DNAH3: variants seen among roughly 807,000 people sequenced by gnomAD.
The protein encoded by DNAH3 is dynein axonemal heavy chain 3.
In DNAH3, 332 loss-of-function variants were observed where a neutral mutation model predicts 432.5. The ratio of observed to expected loss-of-function variants is 0.77; its 90% CI spans 0.70 to 0.84. The LOEUF (loss-of-function observed/expected upper bound fraction) is 0.84. Ranked by LOEUF, DNAH3 falls within the 40% of genes least tolerant of loss-of-function variation. DNAH3 has a pLI of 0.00. For synonymous variants in DNAH3, 1,956 were observed against 1,900.2 expected (o/e 1.03, Z -0.76); for missense variants, 4,861 against 5,114.0 (o/e 0.95, Z 1.51).
At chr16:21,086,600 C>A (rs1238216354) in intron 19 of DNAH3, among the ~76,000 whole-genome samples, 1 of 152,198 alleles carries the variant, frequency 6.6e-6, no homozygotes, top group Admixed American at 6.5e-5. Flanking sequence ...TGGTCATTGG[C>A]TCGAACAACA....
Position 21,020,455 on chromosome 16 carries a change from T to C in DNAH3, c.5777-586A>G, listed in dbSNP as rs537187013. Among the ~76,000 whole-genome samples the C allele has an allele frequency of 1.1e-3, 142 of 127,324 alleles. No homozygotes were observed. The South Asian group carries it at 0.013, about 12-fold the overall frequency. 83.5% of individuals were successfully genotyped at this position (127,324 alleles called of 152,430 possible). On this transcript the variant is annotated intron_variant, in intron 40 of 61. Coordinates refer to ENST00000261383, the Ensembl canonical transcript of DNAH3. Reference sequence around the variant, plus strand: ...TCTAGCTCTGTCGCCCATGCTGGAGTGCAGTGGCACAATCTCGGCTCACTG... The same window carrying C: ...TCTAGCTCTGTCGCCCATGCTGGAGCGCAGTGGCACAATCTCGGCTCACTG...
At chr16:21,104,736 T>C (rs1387539844) in intron 15 of DNAH3, 142 bp from the exon 16 acceptor site, 4 of 587,372 alleles carry the variant, frequency 6.8e-6, no homozygotes, top group Non-Finnish European at 1.2e-5. Context: ...ACAGTGACAT[T>C]TGTTGAGCAC....
At chr16:21,118,826 T>TCC (rs746433376) in intron 11 of DNAH3, among the ~76,000 whole-genome samples, 13 of 152,210 alleles carry the variant, frequency 8.5e-5, no homozygotes, top group Non-Finnish European at 1.8e-4. Context: ...TCTCTGAGAA[T>TCC]GTTCTCACTT....
At chr16:21,067,770 G>GGGGGGGGAGGGA (rs1567732533) in intron 23 of DNAH3, among the ~76,000 whole-genome samples, 1 of 20,594 alleles carries the variant, frequency 4.9e-5, no homozygotes, top group African/African-American at 1.7e-4. Flanking sequence ...GGGGGGGGGT[G>GGGGGGGGAGGGA]GGGAGGGAGA....
chr16:20,942,593 G>A (rs1818590097), intron 58 of DNAH3, among the ~76,000 whole-genome samples: 1 of 152,192 alleles, frequency 6.6e-6, no homozygotes, highest in African/African-American at 2.4e-5. Flanking sequence ...GTTGGGAGGG[G>A]TTAAACAGGA....
rs997244693 is a variant in DNAH3, at chr16:21,067,431, C to G, written c.3382-12G>C. ...CTGTTATCTTTCACCTGGGTTCCAT[C>G]AAAAAAAGTGAGACTCATCATAAGG... On this transcript the variant is annotated splice_polypyrimidine_tract_variant and intron_variant, in intron 23 of 61. Transcript: ENST00000261383. 7 of 1,609,454 alleles carry G rather than the reference C, an allele frequency of 4.3e-6. No homozygotes were observed. Among genetic ancestry groups the G allele is most frequent in the Non-Finnish European group, 5.9e-6 (7 of 1,178,714 alleles).
chr16:21,050,443 C>CT lies in DNAH3; in HGVS notation c.4239-426dup, dbSNP rs374471296. Among the ~76,000 whole-genome samples, 549 of 152,088 alleles carry CT rather than the reference C, an allele frequency of 3.6e-3. 3 individuals are homozygous for CT. The highest frequency in any genetic ancestry group is 0.012 in the African/African-American group (504 of 41,496). On this transcript the variant is annotated intron_variant, in intron 29 of 61. Coordinates refer to ENST00000261383, the Ensembl canonical transcript of DNAH3. ...TATTTCTCCAACTAGATTATGAATT[C>CT]TTTTTTTTCTTTTGAGACAGGTTCT...
chr16:20,990,017 C>T (rs1412517868), intron 44 of DNAH3, among the ~76,000 whole-genome samples: 1 of 152,248 alleles, frequency 6.6e-6, no homozygotes, highest in Non-Finnish European at 1.5e-5. Context: ...CCCACTCGCG[C>T]CTCTCCCTCC....
rs113734489 is a variant in DNAH3, at chr16:20,980,904, C to G, written c.7860-1358G>C. Reference sequence around the variant, plus strand: ...TTTGTGGACCACATGATATCTGTCACAGTTACTCAACTCTGCCATTTTAGT... The same window carrying G: ...TTTGTGGACCACATGATATCTGTCAGAGTTACTCAACTCTGCCATTTTAGT... On this transcript the variant is annotated intron_variant, in intron 49 of 61. Transcript: ENST00000261383. Among the ~76,000 whole-genome samples, 19 of 152,276 alleles carry G rather than the reference C, an allele frequency of 1.2e-4. 1 individual carries two copies. The highest frequency in any genetic ancestry group is 4.6e-4 in the African/African-American group (19 of 41,546).
intron 56 of DNAH3, among the ~76,000 whole-genome samples, chr16:20,948,870 C>T (rs2084179978): frequency 6.6e-6 from 1 of 152,134 alleles, no homozygotes; most frequent in Admixed American, 6.6e-5. Flanking sequence ...TCCCTGTTTT[C>T]CCACTTGAAT....
chr16:20,975,368 G>C (rs377341386), exon 51 of DNAH3: 9 of 1,614,090 alleles, frequency 5.6e-6, no homozygotes, highest in African/African-American at 1.3e-5. Flanking sequence ...CGGAGGTGAG[G>C]ATGAGTTGAG....
chr16:20,976,351 C>A (rs2085589784), intron 50 of DNAH3, among the ~76,000 whole-genome samples: 1 of 152,076 alleles, frequency 6.6e-6, no homozygotes, highest in African/African-American at 2.4e-5. Flanking sequence ...TGCCACCACA[C>A]CCAGCTAATT....
intron 18 of DNAH3, among the ~76,000 whole-genome samples, chr16:21,088,385 TG>T (rs953862464): frequency 1.1e-3 from 170 of 152,244 alleles, no homozygotes; most frequent in African/African-American, 3.9e-3. Context: ...ACTCTATAGT[TG>T]TAAGAGTGAA....
chr16:21,153,300 T>C (rs1489816378), intron 1 of DNAH3, among the ~76,000 whole-genome samples: 3 of 152,086 alleles, frequency 2.0e-5, no homozygotes, highest in African/African-American at 7.3e-5. Context: ...TGTGTCTAGC[T>C]CAGGGTCTGT....
intron 13 of DNAH3, 88 bp from the exon 14 acceptor site, chr16:21,111,892 A>G: frequency 6.4e-7 from 1 of 1,560,650 alleles, no homozygotes; most frequent in Non-Finnish European, 8.8e-7. Flanking sequence ...ACCCTAGTCC[A>G]ATGCTGAGCA....
chr16:20,976,739 A>G (rs756504759), intron 50 of DNAH3, among the ~76,000 whole-genome samples: 2 of 152,204 alleles, frequency 1.3e-5, no homozygotes, highest in Non-Finnish European at 2.9e-5. Flanking sequence ...AAATGCCCTT[A>G]TATAATAAAA....
intron 44 of DNAH3, 59 bp downstream of exon 44, chr16:20,997,224 G>A: frequency 6.4e-7 from 1 of 1,559,980 alleles, no homozygotes; most frequent in Non-Finnish European, 8.7e-7. Context: ...CTTTCATAAA[G>A]GTGGCCCAGC....
At chr16:21,021,042 A>G (rs28589839) in intron 40 of DNAH3, among the ~76,000 whole-genome samples, 1 of 152,220 alleles carries the variant, frequency 6.6e-6, no homozygotes, top group African/African-American at 2.4e-5. Flanking sequence ...GTGTTCATCC[A>G]AGCTGTAGCA....
intron 37 of DNAH3, among the ~76,000 whole-genome samples, chr16:21,028,225 G>A (rs142058368): frequency 0.016 from 2,421 of 151,624 alleles, 64 homozygotes; most frequent in African/African-American, 0.056. Context: ...AATTTTTTTT[G>A]TAGAGACAGG....
Sources: allele counts gnomAD v4.1 joint callset (sites outside exome capture counted in the v4.1 genomes callset), GRCh38; gene constraint gnomAD v4.1.1; transcripts MANE v1.5; gene names NCBI Gene and HGNC (gene_info 2026-07-23, HGNC 2026-07-21).